ASMT: variants seen among roughly 807,000 people sequenced by gnomAD.
The protein encoded by ASMT is acetylserotonin O-methyltransferase.
In ASMT, 53 loss-of-function variants were observed where a neutral mutation model predicts 41.3. The ratio of observed to expected loss-of-function variants is 1.28; its 90% CI spans 1.03 to 1.61. The LOEUF (loss-of-function observed/expected upper bound fraction) is 1.61. Ranked by LOEUF, ASMT falls within the 40% of genes most tolerant of loss-of-function variation. The pLI is 0.00. For synonymous variants in ASMT, 231 were observed against 184.8 expected (o/e 1.25, Z -2.03); for missense variants, 531 against 441.3 (o/e 1.20, Z -1.82).
At position 1,624,202 on chromosome X, in the gene ASMT, G is replaced by T. The variant is rs769884785; in HGVS notation, c.245-67G>T. The T allele has an allele frequency of 5.6e-6, 9 of 1,600,946 alleles. No individual in the cohort carries two copies. The African/African-American group carries it at 8.0e-5, about 14-fold the overall frequency. ...TTGAAATCACGATGTTGTCGAGCTG[G>T]GGAGCGTCCGCCGGCAGGAACTCGG... On this transcript the variant is annotated intron_variant, in intron 2 of 8. Transcript: ENST00000381241.
At chrX:1,631,851 C>T in intron 5 of ASMT, among the ~76,000 whole-genome samples, 2 of 152,174 alleles carry the variant, frequency 1.3e-5, no homozygotes, top group Admixed American at 1.3e-4. Context: ...AGTTTGAGAC[C>T]AGCCTGACCA....
intron 1 of ASMT, 133 bp from the exon 2 acceptor site, chrX:1,623,006 A>AAT (rs1556091362): frequency 2.7e-5 from 22 of 819,038 alleles, no homozygotes; most frequent in African/African-American, 5.2e-5. Context: ...CTCAAAAAAA[A>AAT]AAATAAATAA....
intron 3 of ASMT, among the ~76,000 whole-genome samples, chrX:1,627,023 C>T (rs1169083129): frequency 4.2e-5 from 6 of 142,304 alleles, no homozygotes; most frequent in African/African-American, 1.3e-4. Flanking sequence ...AGCGAGACTC[C>T]GTCTCATAAA....
At chrX:1,626,987 C>T (rs1934572808) in intron 3 of ASMT, among the ~76,000 whole-genome samples, 2 of 149,402 alleles carry the variant, frequency 1.3e-5, no homozygotes, top group African/African-American at 4.9e-5. Context: ...CAAGATCGCG[C>T]CATTGCACTC....
intron 1 of ASMT, among the ~76,000 whole-genome samples, chrX:1,620,148 G>T (rs1450508559): frequency 7.2e-6 from 1 of 139,662 alleles, no homozygotes; most frequent in Non-Finnish European, 1.6e-5. Flanking sequence ...CAACATTAAA[G>T]AACAAGAATT....
chrX:1,635,513 G>C (rs772298781), intron 7 of ASMT, among the ~76,000 whole-genome samples: 6 of 152,090 alleles, frequency 3.9e-5, no homozygotes, highest in Admixed American at 6.6e-5. Flanking sequence ...TGGAATCCAC[G>C]GCTTTGGGTG....
chrX:1,633,361 A>G, intron 7 of ASMT, 71 bp downstream of exon 7: 1 of 1,597,176 alleles, frequency 6.3e-7, no homozygotes, highest in Non-Finnish European at 8.6e-7. Context: ...TGTTTCTGGG[A>G]AATGAAGAAG....
intron 8 of ASMT, among the ~76,000 whole-genome samples, chrX:1,637,003 A>T (rs1239374312): frequency 6.4e-5 from 5 of 77,824 alleles, no homozygotes; most frequent in South Asian, 8.4e-4. Context: ...TCTGTGTGTG[A>T]TGGGGACAGT....
At chrX:1,617,647 C>T (rs1471239507) in intron 1 of ASMT, among the ~76,000 whole-genome samples, 2 of 151,350 alleles carry the variant, frequency 1.3e-5, no homozygotes, top group Non-Finnish European at 2.9e-5. Flanking sequence ...CAGAGTTTCC[C>T]TCTTGTCGCC....
chrX:1,633,093 T>C, intron 6 of ASMT, 57 bp from the exon 7 acceptor site: 1 of 1,609,910 alleles, frequency 6.2e-7, no homozygotes, highest in South Asian at 1.1e-5. Flanking sequence ...GTGTGGAGGG[T>C]GAGCGATGTC....
chrX:1,633,366 A>C, intron 7 of ASMT, 76 bp downstream of exon 7: 1 of 1,588,920 alleles, frequency 6.3e-7, no homozygotes, highest in Non-Finnish European at 8.6e-7. Context: ...CTGGGAAATG[A>C]AGAAGATGTG....
chrX:1,634,024 C>T (rs1485581656), intron 7 of ASMT, among the ~76,000 whole-genome samples: 28 of 151,664 alleles, frequency 1.8e-4, no homozygotes, highest in East Asian at 1.4e-3. Flanking sequence ...CCACCCGCCT[C>T]GGCCTCCCAA....
chrX:1,621,548 C>T (rs1934338241), intron 1 of ASMT, among the ~76,000 whole-genome samples: 1 of 152,104 alleles, frequency 6.6e-6, no homozygotes, highest in South Asian at 2.1e-4. Context: ...GAACTCCTGA[C>T]CTCAGGTGAT....
At chrX:1,619,281 C>G (rs1194533471) in intron 1 of ASMT, among the ~76,000 whole-genome samples, 1 of 151,330 alleles carries the variant, frequency 6.6e-6, no homozygotes, top group East Asian at 1.9e-4. Flanking sequence ...GTAGTACCAG[C>G]TACTTGGGAG....
intron 5 of ASMT, among the ~76,000 whole-genome samples, chrX:1,632,161 T>C (rs1334382467): frequency 3.9e-5 from 6 of 152,294 alleles, no homozygotes; most frequent in African/African-American, 1.4e-4. Context: ...GGCCTCTGAA[T>C]GGGGCTTGTT....
chrX:1,633,140 C>A lies in ASMT; in HGVS notation c.647-10C>A. 6.2e-7 allele frequency: 1 copy of A among 1,613,846 alleles called. No individual in the cohort carries two copies. Among genetic ancestry groups the A allele is most frequent in the Non-Finnish European group, 8.5e-7 (1 of 1,179,830 alleles). ...TCTCTGAGGGTCAAACGGGCTGTGT[C>A]CCCTTCCAGGTGGGGCTGGAGCTCT... On this transcript the variant is annotated splice_polypyrimidine_tract_variant and intron_variant, in intron 6 of 8. Coordinates refer to ENST00000381241, the MANE Select transcript of ASMT (RefSeq NM_001171038.2).
intron 3 of ASMT, among the ~76,000 whole-genome samples, chrX:1,625,556 G>GGGAGGGAGGGAAAGGGAGGGA (rs1437576027): frequency 2.2e-5 from 3 of 136,706 alleles, no homozygotes; most frequent in African/African-American, 7.9e-5. Context: ...GAGGGAGGGA[G>GGGAGGGAGGGAAAGGGAGGGA]GGAGGGAGGG....
chrX:1,625,750 C>G (rs1355640402), intron 3 of ASMT, among the ~76,000 whole-genome samples: 29 of 151,218 alleles, frequency 1.9e-4, no homozygotes, highest in Non-Finnish European at 3.2e-4. Flanking sequence ...GTCAGGAGAT[C>G]GAGACCATCC....
At chrX:1,629,749 G>T in intron 4 of ASMT, 72 bp from the exon 5 acceptor site, 1 of 1,386,060 alleles carries the variant, frequency 7.2e-7, no homozygotes, top group South Asian at 1.2e-5. Flanking sequence ...TCAACAGGGG[G>T]TTATGTACAC....
Sources: gnomAD v4.1 joint callset for allele counts (sites outside exome capture counted in the v4.1 genomes callset) on GRCh38, gnomAD v4.1.1 for gene constraint, MANE v1.5 for transcripts, NCBI Gene and HGNC (gene_info 2026-07-23, HGNC 2026-07-21) for gene names.